Variants in CCDC85C observed in about 807,000 individuals in gnomAD.
CCDC85C encodes the protein coiled-coil domain containing 85C, also known as coiled-coil domain-containing protein 85C.
CCDC85C carries 18 observed loss-of-function variants against 38.3 expected under a neutral mutation model. The ratio of observed to expected loss-of-function variants is 0.47; its 90% CI spans 0.33 to 0.70. The LOEUF (loss-of-function observed/expected upper bound fraction) is 0.70, where lower values mean the gene tolerates loss of function less well. CCDC85C is among the 30% of genes least tolerant of loss of function. The pLI, the probability that CCDC85C is intolerant of heterozygous loss-of-function variation, is 0.03. For missense variants in CCDC85C, 566 were observed against 621.2 expected (o/e 0.91, Z 0.94); for synonymous variants, 264 against 293.8 (o/e 0.90, Z 1.04).
At chr14:99,563,735 A>G (rs74389860) in intron 1 of CCDC85C, among the ~76,000 whole-genome samples, 3 of 152,170 alleles carry the variant, frequency 2.0e-5, no homozygotes, top group African/African-American at 4.8e-5. Flanking sequence ...GCTGGCCTCC[A>G]TGTGCCAGCA....
At chr14:99,522,560 T>A in intron 2 of CCDC85C, 1 of 221,490 alleles carries the variant, frequency 4.5e-6, no homozygotes, top group African/African-American at 2.3e-5. Context: ...TCCCACCCCG[T>A]GACTCACCCT....
Position 99,533,517 on chromosome 14 carries a change from C to T in CCDC85C, c.867+2498G>A, listed in dbSNP as rs1897532615. On this transcript the variant is annotated intron_variant, in intron 2 of 5. Transcript: ENST00000380243. This position sits in a 1 kb window ranked among gnomAD's most constrained non-coding sequence, Gnocchi z 4.2. ...CTGGTTGTATGTAACAACAAGCAGGCAACAGTGGGTTTCTGTCCCTAAATT... is the reference window on the plus strand; with the variant it reads ...CTGGTTGTATGTAACAACAAGCAGGTAACAGTGGGTTTCTGTCCCTAAATT... 6.6e-6 allele frequency among the ~76,000 whole-genome samples: 1 copy of T among 152,268 alleles called. No individual in the cohort carries two copies. Among genetic ancestry groups the T allele is most frequent in the Non-Finnish European group, 1.5e-5 (1 of 68,052 alleles).
chr14:99,603,873 C>T lies in CCDC85C; in HGVS notation c.87G>A (p.Glu29=). 1 of 1,513,576 alleles carries T rather than the reference C, an allele frequency of 6.6e-7. No individual in the cohort carries two copies. Among genetic ancestry groups the T allele is most frequent in the Non-Finnish European group, 8.8e-7 (1 of 1,137,144 alleles). 93.8% of individuals were successfully genotyped at this position (1,513,576 alleles called of 1,614,324 possible). A position where few individuals can be genotyped will look rare whatever the true frequency, so the allele number is the denominator to read the frequency against. Residue 29 remains glutamate, a synonymous_variant, in exon 1 of 6, where the codon GAG becomes GAA. Transcript: ENST00000380243. This position sits in a 1 kb window ranked among gnomAD's most constrained non-coding sequence, Gnocchi z 7.5. ...PDEELLRWSK[E]ELARRLRRAE... The stretch of plus-strand genomic sequence containing the variant: ...CGCGCCGCAGCCGCCGCGCCAGCTC[C>T]TCCTTGCTCCAGCGCAGCAGCTCCT...
rs2055248463 is a variant in CCDC85C, at chr14:99,604,201, G to A, written c.-242C>T. 6.7e-6 allele frequency among the ~76,000 whole-genome samples: 1 copy of A among 148,552 alleles called. No homozygotes were observed. Among genetic ancestry groups the A allele is most frequent in the Non-Finnish European group, 1.5e-5 (1 of 66,584 alleles). On this transcript the variant is annotated 5_prime_UTR_variant, in exon 1 of 6. Transcript: ENST00000380243. ...GCGGCCGCGGTGCCGGGCGCTCTCA[G>A]GGTTCTGGAGAAGCAGGCGGAGGCC... is the stretch of plus-strand genomic sequence containing the variant.
At chr14:99,559,493 C>T (rs941724909) in intron 1 of CCDC85C, among the ~76,000 whole-genome samples, 5 of 152,186 alleles carry the variant, frequency 3.3e-5, no homozygotes, top group Admixed American at 1.3e-4. Context: ...CACTTCGTCA[C>T]CCACCACATT....
At chr14:99,597,834 G>C (rs1452050240) in intron 1 of CCDC85C, among the ~76,000 whole-genome samples, 1 of 152,148 alleles carries the variant, frequency 6.6e-6, no homozygotes, top group East Asian at 1.9e-4. Flanking sequence ...CGTGTGTCAG[G>C]GGATCTCCCA....
In CCDC85C at chr14:99,504,901, A is replaced by T. The variant is rs1450901819; in HGVS notation, c.*10345T>A. On this transcript the variant is annotated 3_prime_UTR_variant, in exon 6 of 6. Transcript: ENST00000380243. ...AAACTATATATGACCTTGAAGGAAG[A>T]GTTGCATTTGAGCAGCGAGAGCAGA... is the stretch of plus-strand genomic sequence containing the variant. 15 of 152,306 alleles carry T rather than the reference A, an allele frequency of 9.8e-5. No individual in the cohort carries two copies. Among genetic ancestry groups the T allele is most frequent in the Non-Finnish European group, 5.9e-5 (4 of 68,128 alleles). The allele number at this position is 152,306 out of a possible 1,614,324, so 9.4% of individuals were successfully genotyped here.
chr14:99,560,624 G>C (rs1898099232), intron 1 of CCDC85C, among the ~76,000 whole-genome samples: 1 of 152,244 alleles, frequency 6.6e-6, no homozygotes, highest in Non-Finnish European at 1.5e-5. Flanking sequence ...GCATTCAAAT[G>C]CCACTGGAGG....
intron 1 of CCDC85C, among the ~76,000 whole-genome samples, chr14:99,559,618 T>C (rs1309042701): frequency 1.3e-5 from 2 of 152,184 alleles, no homozygotes. Flanking sequence ...AGCAGTCGCC[T>C]GTTAACCAAA....
rs759390578 is a variant in CCDC85C, at chr14:99,508,324, G to C, written c.*6922C>G. 1 of 152,312 alleles carries C rather than the reference G, an allele frequency of 6.6e-6. No homozygotes were observed. The highest frequency in any genetic ancestry group is 1.5e-5 in the Non-Finnish European group (1 of 68,116). 9.4% of individuals were successfully genotyped at this position (152,312 alleles called of 1,614,324 possible). A position where few individuals can be genotyped will look rare whatever the true frequency, so the allele number is the denominator to read the frequency against. Reference sequence around the variant, plus strand: ...TGCAGTTCCCCTGGTCCGAGCCTGGGGCTGTGCCTTCACTGAGGAGATGGG... The same window carrying C: ...TGCAGTTCCCCTGGTCCGAGCCTGGCGCTGTGCCTTCACTGAGGAGATGGG... On this transcript the variant is annotated 3_prime_UTR_variant, in exon 6 of 6. Coordinates refer to ENST00000380243, the MANE Select transcript of CCDC85C (RefSeq NM_001144995.2).
intron 1 of CCDC85C, among the ~76,000 whole-genome samples, chr14:99,566,500 G>A (rs1402533890): frequency 7.9e-5 from 12 of 152,166 alleles, no homozygotes; most frequent in Admixed American, 7.8e-4. Flanking sequence ...TCCATCCGGA[G>A]AGGTGGGGCT....
At chr14:99,552,587 T>C (rs12884693) in intron 1 of CCDC85C, among the ~76,000 whole-genome samples, 4 of 151,750 alleles carry the variant, frequency 2.6e-5, no homozygotes, top group Non-Finnish European at 4.4e-5. Flanking sequence ...CTGGAGAGGG[T>C]CCTGGCCAGC....
chr14:99,599,340 C>G (rs2055175699), intron 1 of CCDC85C, among the ~76,000 whole-genome samples: 1 of 151,874 alleles, frequency 6.6e-6, no homozygotes, highest in Admixed American at 6.5e-5. Flanking sequence ...CGTGGAGGAG[C>G]AGGTTATCAG....
chr14:99,581,636 C>T (rs1367220379), intron 1 of CCDC85C, among the ~76,000 whole-genome samples: 2 of 152,204 alleles, frequency 1.3e-5, no homozygotes, highest in African/African-American at 2.4e-5. Context: ...CGCCTGCCTG[C>T]GCCAGGCCAA....
chr14:99,566,936 G>GGTGA (rs1898226854), intron 1 of CCDC85C, among the ~76,000 whole-genome samples: 1 of 152,212 alleles, frequency 6.6e-6, no homozygotes, highest in African/African-American at 2.4e-5. Context: ...GGCTTCCTGA[G>GGTGA]GTGAGCATGC....
chr14:99,502,266 ATC>A lies in CCDC85C; in HGVS notation c.*12978_*12979del. On this transcript the variant is annotated 3_prime_UTR_variant, in exon 6 of 6. Transcript: ENST00000380243. Reference sequence around the variant, plus strand: ...GAGATCATAGCAGTAGCAGTGATGTATCTCGCAGGACGTTTGTGCAAATTTGA... The same window carrying A: ...GAGATCATAGCAGTAGCAGTGATGTATCGCAGGACGTTTGTGCAAATTTGA... 1 of 1,608,280 alleles carries A rather than the reference ATC, an allele frequency of 6.2e-7. No homozygotes were observed. The highest frequency in any genetic ancestry group is 8.5e-7 in the Non-Finnish European group (1 of 1,177,200).
rs1370437844 is a variant in CCDC85C, at chr14:99,545,787, C to T, written c.794-9699G>A. 6.6e-6 allele frequency among the ~76,000 whole-genome samples: 1 copy of T among 152,114 alleles called. No individual in the cohort carries two copies. The highest frequency in any genetic ancestry group is 1.5e-5 in the Non-Finnish European group (1 of 68,042). ...TACGCCCTCCTGGCTCCTTGGAGAG[C>T]TTTTAAAATCTGATCTCTTCCCCTG... On this transcript the variant is annotated intron_variant, in intron 1 of 5. Transcript: ENST00000380243. The surrounding 1 kb of genome is among the most constrained non-coding windows in gnomAD (Gnocchi z 4.7).
intron 1 of CCDC85C, among the ~76,000 whole-genome samples, chr14:99,574,112 A>C (rs1266701902): frequency 6.6e-6 from 1 of 152,104 alleles, no homozygotes; most frequent in African/African-American, 2.4e-5. Flanking sequence ...CTGAGACAGG[A>C]GTGCTGCTCT....
chr14:99,556,100 G>T (rs753613588), intron 1 of CCDC85C, among the ~76,000 whole-genome samples: 24 of 152,252 alleles, frequency 1.6e-4, no homozygotes, highest in Non-Finnish European at 3.2e-4. Context: ...AGAGAGAATG[G>T]ACCACATATG....
Sources: allele counts gnomAD v4.1 joint callset (sites outside exome capture counted in the v4.1 genomes callset), GRCh38; gene constraint gnomAD v4.1.1; non-coding constraint Gnocchi (gnomAD v3.1); transcripts MANE v1.5; gene names NCBI Gene and HGNC (gene_info 2026-07-23, HGNC 2026-07-21).